The following KCNMB2 variants were observed in gnomAD, a reference collection of about 807,000 sequenced individuals.
KCNMB2 encodes the protein calcium-activated potassium channel subunit beta-2.
In KCNMB2, 9 loss-of-function variants were observed where a neutral mutation model predicts 24.5. That is an observed-to-expected ratio of 0.37 (90% CI 0.22 to 0.64). The LOEUF (loss-of-function observed/expected upper bound fraction) is 0.64. KCNMB2 is among the 30% of genes least tolerant of loss of function. KCNMB2 has a pLI of 0.63. For missense variants in KCNMB2, 226 were observed against 284.3 expected, an observed-to-expected ratio of 0.79 and a Z score of 1.47; for synonymous variants, 109 against 104.4, an observed-to-expected ratio of 1.04 and a Z score of -0.27.
chr3:178,720,103 T>A (rs1304738621), intron 1 of KCNMB2, among the ~76,000 whole-genome samples: 1 of 152,118 alleles, frequency 6.6e-6, no homozygotes, highest in Non-Finnish European at 1.5e-5. Context: ...TAGCATTAGG[T>A]ATATCTCCCA....
intron 1 of KCNMB2, among the ~76,000 whole-genome samples, chr3:178,562,353 A>G (rs1004345968): frequency 6.6e-6 from 1 of 152,218 alleles, no homozygotes; most frequent in Non-Finnish European, 1.5e-5. Flanking sequence ...CTGGGCCAAG[A>G]CTGCGTAATT....
intron 4 of KCNMB2, among the ~76,000 whole-genome samples, chr3:178,831,806 T>C (rs1005033294): frequency 6.6e-6 from 1 of 152,072 alleles, no homozygotes; most frequent in South Asian, 2.1e-4. Context: ...CTATGCTTAT[T>C]ACCTGGGTGG....
intron 1 of KCNMB2, among the ~76,000 whole-genome samples, chr3:178,631,545 C>T (rs1438340916): frequency 1.3e-5 from 2 of 152,222 alleles, no homozygotes; most frequent in East Asian, 3.8e-4. Flanking sequence ...ACATGGTGAA[C>T]ACTGGATCGG....
chr3:178,640,907 T>C (rs1193933957), intron 1 of KCNMB2, among the ~76,000 whole-genome samples: 1 of 152,160 alleles, frequency 6.6e-6, no homozygotes, highest in Non-Finnish European at 1.5e-5. Context: ...TTCTTCTTTT[T>C]TGCATATGGA....
intron 1 of KCNMB2, among the ~76,000 whole-genome samples, chr3:178,784,659 C>A (rs987114870): frequency 4.6e-5 from 7 of 151,902 alleles, no homozygotes; most frequent in African/African-American, 1.7e-4. Context: ...TTTGACCTGA[C>A]CTGGTTTTTC....
chr3:178,711,233 C>T lies in KCNMB2; in HGVS notation c.-67-96110C>T, dbSNP rs370682332. ...GAGCACAAACTCTTTACCACCATGC[C>T]ATACTGCATTTATTTTAATTGTGTA... On this transcript the variant is annotated intron_variant, in intron 1 of 4. Coordinates refer to ENST00000452583, the MANE Select transcript of KCNMB2 (RefSeq NM_181361.3). 2.0e-5 allele frequency among the ~76,000 whole-genome samples: 3 copies of T among 152,256 alleles called. No homozygotes were observed. The East Asian group carries it at 5.8e-4, about 29-fold the overall frequency.
intron 1 of KCNMB2, among the ~76,000 whole-genome samples, chr3:178,582,066 G>A (rs1032469241): frequency 2.0e-5 from 3 of 152,230 alleles, no homozygotes; most frequent in African/African-American, 7.2e-5. Context: ...GCACATGTAT[G>A]TTTATTGCAG....
intron 1 of KCNMB2, among the ~76,000 whole-genome samples, chr3:178,644,411 G>A (rs1038002542): frequency 7.9e-5 from 12 of 152,290 alleles, no homozygotes; most frequent in East Asian, 5.8e-4. Context: ...CCTCCATGGC[G>A]CCATGTGATA....
intron 1 of KCNMB2, among the ~76,000 whole-genome samples, chr3:178,755,109 A>T (rs761506674): frequency 6.6e-6 from 1 of 152,212 alleles, no homozygotes; most frequent in Non-Finnish European, 1.5e-5. Context: ...CATGACCAAC[A>T]GCTATGAGAG....
intron 1 of KCNMB2, among the ~76,000 whole-genome samples, chr3:178,742,103 A>T (rs1228620427): frequency 6.6e-6 from 1 of 152,248 alleles, no homozygotes; most frequent in African/African-American, 2.4e-5. Context: ...GAACGATAGC[A>T]TTGAAAGTCA....
chr3:178,710,061 C>T (rs1432379424), intron 1 of KCNMB2, among the ~76,000 whole-genome samples: 2 of 152,120 alleles, frequency 1.3e-5, no homozygotes, highest in African/African-American at 2.4e-5. Context: ...CTGTGTGTAC[C>T]TATCCATTCA....
intron 1 of KCNMB2, among the ~76,000 whole-genome samples, chr3:178,804,833 T>C (rs911761008): frequency 7.9e-5 from 12 of 152,254 alleles, no homozygotes; most frequent in Admixed American, 2.0e-4. Flanking sequence ...AATCAGAGGA[T>C]TCCACCAGAG....
At chr3:178,623,426 G>A (rs1718992312) in intron 1 of KCNMB2, among the ~76,000 whole-genome samples, 1 of 152,154 alleles carries the variant, frequency 6.6e-6, no homozygotes, top group South Asian at 2.1e-4. Flanking sequence ...TATACGGCAG[G>A]GAGAAATCAT....
chr3:178,732,080 G>A (rs1255958305), intron 1 of KCNMB2, among the ~76,000 whole-genome samples: 1 of 152,086 alleles, frequency 6.6e-6, no homozygotes, highest in Non-Finnish European at 1.5e-5. Context: ...AGAGAAAAAA[G>A]ACAGAGAGAG....
At chr3:178,768,540 A>G (rs1406372717) in intron 1 of KCNMB2, among the ~76,000 whole-genome samples, 1 of 152,328 alleles carries the variant, frequency 6.6e-6, no homozygotes, top group East Asian at 1.9e-4. Flanking sequence ...TTTGTTTTCT[A>G]TAATACACAC....
At chr3:178,583,721 T>C (rs893073508) in intron 1 of KCNMB2, among the ~76,000 whole-genome samples, 1 of 152,174 alleles carries the variant, frequency 6.6e-6, no homozygotes, top group African/African-American at 2.4e-5. Flanking sequence ...GAATAATACC[T>C]TACGCTCTTC....
At chr3:178,728,229 A>C (rs1057493291) in intron 1 of KCNMB2, among the ~76,000 whole-genome samples, 1 of 152,170 alleles carries the variant, frequency 6.6e-6, no homozygotes, top group African/African-American at 2.4e-5. Context: ...CAGGAATCAG[A>C]CATAATAAAG....
intron 1 of KCNMB2, among the ~76,000 whole-genome samples, chr3:178,594,074 C>A (rs1717778458): frequency 6.6e-6 from 1 of 151,618 alleles, no homozygotes; most frequent in African/African-American, 2.4e-5. Flanking sequence ...GTGTGCCTGG[C>A]ATATTTGAGG....
chr3:178,622,348 A>T (rs1718953981), intron 1 of KCNMB2, among the ~76,000 whole-genome samples: 1 of 152,232 alleles, frequency 6.6e-6, no homozygotes, highest in South Asian at 2.1e-4. Context: ...TAACACCACC[A>T]CATGCATAGA....
Sources: allele counts gnomAD v4.1 joint callset (sites outside exome capture counted in the v4.1 genomes callset), GRCh38; gene constraint gnomAD v4.1.1; transcripts MANE v1.5; gene names NCBI Gene and HGNC (gene_info 2026-07-23, HGNC 2026-07-21).